MYBPC1: variants seen among roughly 807,000 people sequenced by gnomAD.
MYBPC1 encodes myosin-binding protein C, slow-type.
MYBPC1 carries 52 observed loss-of-function variants against 147.1 expected under a neutral mutation model. The ratio of observed to expected loss-of-function variants is 0.35; its 90% confidence interval spans 0.28 to 0.45. The LOEUF (loss-of-function observed/expected upper bound fraction) is 0.45, where lower values mean the gene tolerates loss of function less well. MYBPC1 is among the 20% of genes least tolerant of loss of function. The pLI is 1.00. For missense variants in MYBPC1, 1,228 were observed against 1,440.3 expected, an observed-to-expected ratio of 0.85 and a Z score of 2.39; for synonymous variants, 477 against 475.9, an observed-to-expected ratio of 1.00 and a Z score of -0.03.
intron 25 of MYBPC1, among the ~76,000 whole-genome samples, chr12:101,674,450 G>A (rs748667339): frequency 6.6e-6 from 1 of 152,040 alleles, no homozygotes; most frequent in Admixed American, 6.6e-5. Flanking sequence ...AGTTAGATAC[G>A]TACCTGCCCA....
chr12:101,652,581 G>T, intron 16 of MYBPC1, 97 bp from the exon 17 acceptor site: 1 of 824,928 alleles, frequency 1.2e-6, no homozygotes, highest in Non-Finnish European at 2.1e-6. Context: ...CTGCACTAAA[G>T]AAGTTAATCA....
At chr12:101,639,001 G>T (rs1891515037) in intron 10 of MYBPC1, among the ~76,000 whole-genome samples, 1 of 152,060 alleles carries the variant, frequency 6.6e-6, no homozygotes, top group Non-Finnish European at 1.5e-5. Context: ...TCCTCCAAGT[G>T]TGTGTGCCAA....
intron 1 of MYBPC1, 145 bp downstream of exon 1, chr12:101,595,240 A>G: frequency 1.3e-6 from 1 of 777,214 alleles, no homozygotes; most frequent in South Asian, 1.7e-5. Context: ...TAGATTAAAC[A>G]GACCAGAGGA....
chr12:101,602,372 G>A (rs1389416992), intron 1 of MYBPC1, among the ~76,000 whole-genome samples: 2 of 152,138 alleles, frequency 1.3e-5, no homozygotes, highest in South Asian at 4.2e-4. Context: ...GCGCCACCAC[G>A]CCCAGCTAAT....
chr12:101,632,266 G>T, intron 8 of MYBPC1, 128 bp downstream of exon 8: 1 of 748,130 alleles, frequency 1.3e-6, no homozygotes. Context: ...TTCTGATTGT[G>T]GTAGTCTCAG....
intron 1 of MYBPC1, among the ~76,000 whole-genome samples, chr12:101,601,510 T>C (rs1011266876): frequency 1.3e-5 from 2 of 152,186 alleles, no homozygotes; most frequent in African/African-American, 2.4e-5. Flanking sequence ...ACCAGAATCA[T>C]TCAATCTCAC....
chr12:101,645,309 G>A (rs1354644129), intron 12 of MYBPC1, among the ~76,000 whole-genome samples: 1 of 152,196 alleles, frequency 6.6e-6, no homozygotes, highest in African/African-American at 2.4e-5. Flanking sequence ...CAAAATGTGG[G>A]TCAAAGCCTG....
chr12:101,671,424 G>A (rs536778382), intron 24 of MYBPC1, among the ~76,000 whole-genome samples: 14 of 151,814 alleles, frequency 9.2e-5, no homozygotes, highest in African/African-American at 2.9e-4. Context: ...CAAACTAAAG[G>A]GATGGCCAAT....
intron 3 of MYBPC1, among the ~76,000 whole-genome samples, chr12:101,625,030 G>C (rs779059777): frequency 1.3e-5 from 2 of 151,940 alleles, no homozygotes; most frequent in Non-Finnish European, 2.9e-5. Context: ...TGATAAATGT[G>C]TACAGGGTCC....
intron 22 of MYBPC1, chr12:101,666,315 G>A: frequency 4.8e-6 from 1 of 209,558 alleles, no homozygotes; most frequent in Non-Finnish European, 9.8e-6. Flanking sequence ...GGGGACCCAA[G>A]AGAATCCTCC....
At position 101,649,077 on chromosome 12, in the gene MYBPC1, G is replaced by A. The variant is rs117917203; in HGVS notation, c.1197-183G>A. Among the ~76,000 whole-genome samples, 4 of 152,272 alleles carry A rather than the reference G, an allele frequency of 2.6e-5. No homozygotes were observed. The East Asian group carries it at 7.7e-4, about 29-fold the overall frequency. ...TAACACAATTTTGTAGACAATATTT[G>A]TTACATTATGAATCTACTGATGGAT... On this transcript the variant is annotated intron_variant, in intron 14 of 31. Transcript: ENST00000361466.
At chr12:101,630,562 T>G (rs968094993) in intron 6 of MYBPC1, among the ~76,000 whole-genome samples, 1 of 151,336 alleles carries the variant, frequency 6.6e-6, no homozygotes, top group African/African-American at 2.4e-5. Context: ...CATAAGATGA[T>G]TCCAAATCTA....
chr12:101,676,173 A>C (rs1899944199), intron 26 of MYBPC1, among the ~76,000 whole-genome samples: 1 of 152,212 alleles, frequency 6.6e-6, no homozygotes, highest in South Asian at 2.1e-4. Context: ...GGGAAGCCAA[A>C]AGATTGAAAA....
In MYBPC1 at chr12:101,595,034, A is replaced by C; in HGVS notation, c.-37A>C. Reference sequence around the variant, plus strand: ...GTTTCTGTCAACTAGTCGTGGAGGGAAGGAGACTCTTTAAAGAATAACATC... The same window carrying C: ...GTTTCTGTCAACTAGTCGTGGAGGGCAGGAGACTCTTTAAAGAATAACATC... On this transcript the variant is annotated 5_prime_UTR_variant, in exon 1 of 32. Coordinates refer to ENST00000361466, the MANE Select transcript of MYBPC1 (RefSeq NM_002465.4). 1 of 1,608,766 alleles carries C rather than the reference A, an allele frequency of 6.2e-7. No individual in the cohort carries two copies. The highest frequency in any genetic ancestry group is 1.1e-5 in the South Asian group (1 of 90,824).
intron 1 of MYBPC1, among the ~76,000 whole-genome samples, chr12:101,597,954 G>C (rs1462168757): frequency 6.6e-6 from 1 of 150,962 alleles, no homozygotes; most frequent in Non-Finnish European, 1.5e-5. Flanking sequence ...TATTAATTGA[G>C]TACAAGTAAG....
chr12:101,628,162 C>A (rs1443919070), intron 5 of MYBPC1: 1 of 320,084 alleles, frequency 3.1e-6, no homozygotes, highest in African/African-American at 2.2e-5. Context: ...CAAATGCATC[C>A]TATCAGCTGT....
At chr12:101,615,202 G>A (rs937917764) in intron 2 of MYBPC1, among the ~76,000 whole-genome samples, 1 of 152,104 alleles carries the variant, frequency 6.6e-6, no homozygotes, top group African/African-American at 2.4e-5. Context: ...ACCTAAAGAA[G>A]AAAAGAAAAT....
chr12:101,599,729 T>C (rs530371159), intron 1 of MYBPC1, among the ~76,000 whole-genome samples: 10 of 152,334 alleles, frequency 6.6e-5, no homozygotes, highest in Admixed American at 2.6e-4. Flanking sequence ...GGGCAATTGT[T>C]TCCCTTTTGA....
chr12:101,646,625 C>A lies in MYBPC1; in HGVS notation c.966-138C>A, dbSNP rs141770686. The A allele has an allele frequency of 3.8e-3, 3,732 of 979,956 alleles. 61 individuals are homozygous for A. The African/African-American group carries it at 0.045, about 12-fold the overall frequency. The allele number at this position is 979,956 out of a possible 1,614,324, so 60.7% of individuals were successfully genotyped here. A position where few individuals can be genotyped will look rare whatever the true frequency, so the allele number is the denominator to read the frequency against. Reference sequence around the variant, plus strand: ...CTGCACTCCTGCCTGTGCAACAGAGCAAGACCCTGTCTCAAAAAAAAACAA... The same window carrying A: ...CTGCACTCCTGCCTGTGCAACAGAGAAAGACCCTGTCTCAAAAAAAAACAA... On this transcript the variant is annotated intron_variant, in intron 12 of 31. Transcript: ENST00000361466.
Sources: allele counts gnomAD v4.1 joint callset (sites outside exome capture counted in the v4.1 genomes callset), GRCh38; gene constraint gnomAD v4.1.1; transcripts MANE v1.5; gene names NCBI Gene and HGNC (gene_info 2026-07-23, HGNC 2026-07-21).